Variants in IL1RAPL1 observed in about 807,000 individuals in gnomAD.
IL1RAPL1 encodes the protein interleukin 1 receptor accessory protein like 1, also known as interleukin-1 receptor accessory protein-like 1.
IL1RAPL1 carries 3 observed loss-of-function variants against 48.4 expected under a neutral mutation model. That is an observed-to-expected ratio of 0.06 (90% CI 0.03 to 0.16). The LOEUF (loss-of-function observed/expected upper bound fraction) is 0.16. Among genes scored for constraint, IL1RAPL1 ranks in the 10% least tolerant of loss-of-function variants. The pLI, the probability that IL1RAPL1 is intolerant of heterozygous loss-of-function variation, is 1.00. For synonymous variants in IL1RAPL1, 185 were observed against 187.7 expected, an observed-to-expected ratio of 0.99 and a Z score of 0.12; for missense variants, 349 against 530.6, an observed-to-expected ratio of 0.66 and a Z score of 3.36.
chrX:29,946,500 T>C, intron 9 of IL1RAPL1, among the ~76,000 whole-genome samples: 1 of 112,328 alleles, frequency 8.9e-6, no homozygotes, highest in South Asian at 3.7e-4. Context: ...GAGGAGAAGA[T>C]ACGCTATCCC....
chrX:29,907,614 G>A (rs749903960), intron 6 of IL1RAPL1, among the ~76,000 whole-genome samples: 1 of 111,673 alleles, frequency 9.0e-6, no homozygotes, highest in South Asian at 3.7e-4. Context: ...ACTGCCTGCG[G>A]GATAAACATG....
intron 8 of IL1RAPL1, among the ~76,000 whole-genome samples, chrX:29,937,889 A>G (rs184160025): frequency 1.1e-3 from 123 of 111,683 alleles, no homozygotes; most frequent in Non-Finnish European, 1.5e-3. Context: ...TGGTATTCCT[A>G]TTATTAGTAA....
chrX:29,655,923 G>A (rs1186286113), intron 5 of IL1RAPL1, among the ~76,000 whole-genome samples: 1 of 111,753 alleles, frequency 8.9e-6, no homozygotes, highest in Non-Finnish European at 1.9e-5. Flanking sequence ...CTATGCATAT[G>A]CTTACTTGTG....
chrX:28,806,157 A>G (rs1468715445), intron 2 of IL1RAPL1, among the ~76,000 whole-genome samples: 1 of 112,080 alleles, frequency 8.9e-6, no homozygotes, highest in Non-Finnish European at 1.9e-5. Context: ...CATGAAATGA[A>G]TAGTTTCATT....
rs140015539 is a variant in IL1RAPL1, at chrX:29,027,243, C to A, written c.82+237818C>A. 5.0e-3 allele frequency among the ~76,000 whole-genome samples: 561 copies of A among 112,357 alleles called. 3 individuals carry two copies. Among genetic ancestry groups the A allele is most frequent in the African/African-American group, 0.018 (542 of 30,957 alleles). ...GCAACCACAAACCTTTTTACTATGT[C>A]CATAAATGTTCCCTTTCTAGAATGT... On this transcript the variant is annotated intron_variant, in intron 2 of 10. Transcript: ENST00000378993.
chrX:29,227,952 G>A lies in IL1RAPL1; in HGVS notation c.83-54986G>A, dbSNP rs1931112543. On this transcript the variant is annotated intron_variant, in intron 2 of 10. Coordinates refer to ENST00000378993, the MANE Select transcript of IL1RAPL1 (RefSeq NM_014271.4). ...GTGCCAGAGTTTTGGTTTAAACCAG[G>A]TTGTCTGACTCCAAACTCTTCACTT... is the stretch of plus-strand genomic sequence containing the variant. Among the ~76,000 whole-genome samples the A allele has an allele frequency of 2.7e-5, 3 of 110,769 alleles. No individual in the cohort carries two copies. In the South Asian group the frequency reaches 1.2e-3, roughly 43 times the overall value.
intron 5 of IL1RAPL1, among the ~76,000 whole-genome samples, chrX:29,560,796 A>G (rs1243582791): frequency 9.0e-6 from 1 of 111,352 alleles, no homozygotes; most frequent in Non-Finnish European, 1.9e-5. Context: ...GTTAGTTTGT[A>G]CCTCACTGAG....
intron 2 of IL1RAPL1, among the ~76,000 whole-genome samples, chrX:29,024,853 G>T (rs1271672883): frequency 9.0e-6 from 1 of 111,227 alleles, no homozygotes; most frequent in Non-Finnish European, 1.9e-5. Flanking sequence ...ATAATTCAAA[G>T]GTTCTAATAT....
chrX:28,639,470 A>C (rs1934508177), intron 1 of IL1RAPL1, among the ~76,000 whole-genome samples: 2 of 111,675 alleles, frequency 1.8e-5, no homozygotes, highest in Admixed American at 1.9e-4. Context: ...CTCTATGCTA[A>C]TTTTCAAATC....
intron 2 of IL1RAPL1, among the ~76,000 whole-genome samples, chrX:28,956,268 A>G (rs1251232106): frequency 3.7e-5 from 4 of 107,587 alleles, no homozygotes; most frequent in African/African-American, 6.8e-5. Flanking sequence ...TCTCCTGCCT[A>G]ATTGCCCTGG....
chrX:29,378,268 A>C (rs1933649251), intron 3 of IL1RAPL1, among the ~76,000 whole-genome samples: 1 of 111,269 alleles, frequency 9.0e-6, no homozygotes, highest in Non-Finnish European at 1.9e-5. Flanking sequence ...CAGTTCTTGC[A>C]TGATTTTACT....
intron 3 of IL1RAPL1, among the ~76,000 whole-genome samples, chrX:29,295,506 T>C (rs1311930682): frequency 8.9e-6 from 1 of 112,117 alleles, no homozygotes; most frequent in Non-Finnish European, 1.9e-5. Flanking sequence ...TTATTACACA[T>C]ATATGATCAC....
intron 5 of IL1RAPL1, among the ~76,000 whole-genome samples, chrX:29,467,742 A>T (rs1376283605): frequency 8.9e-6 from 1 of 112,637 alleles, no homozygotes; most frequent in Non-Finnish European, 1.9e-5. Context: ...TAGAACTCTG[A>T]TGCCTTTATT....
rs756404696 is a variant in IL1RAPL1, at chrX:29,924,534, A to G, written c.1057+4440A>G. Among the ~76,000 whole-genome samples the G allele has an allele frequency of 4.9e-3, 555 of 112,339 alleles. 3 individuals are homozygous for G. The highest frequency in any genetic ancestry group is 8.9e-3 in the Non-Finnish European group (472 of 53,201). On this transcript the variant is annotated intron_variant, in intron 8 of 10. Coordinates refer to ENST00000378993, the MANE Select transcript of IL1RAPL1 (RefSeq NM_014271.4). ...GGAAATAAGGACTAATATAATTTGG[A>G]ATGCCATCCACTACTTTTTAAATTA...
At chrX:29,215,834 C>T (rs191324688) in intron 2 of IL1RAPL1, among the ~76,000 whole-genome samples, 240 of 111,254 alleles carry the variant, frequency 2.2e-3, no homozygotes, top group African/African-American at 7.6e-3. Flanking sequence ...ATCTTGGCTT[C>T]AGACTTTTTT....
At chrX:29,606,634 C>G (rs994615009) in intron 5 of IL1RAPL1, among the ~76,000 whole-genome samples, 1 of 112,181 alleles carries the variant, frequency 8.9e-6, no homozygotes, top group Non-Finnish European at 1.9e-5. Flanking sequence ...CTCCCAATTG[C>G]ACATACAGTC....
chrX:29,842,422 T>C (rs1260983608), intron 6 of IL1RAPL1, among the ~76,000 whole-genome samples: 1 of 111,950 alleles, frequency 8.9e-6, no homozygotes, highest in African/African-American at 3.2e-5. Context: ...GGCTCGGATG[T>C]GTGGAAAACC....
chrX:29,174,906 C>T (rs985001013), intron 2 of IL1RAPL1, among the ~76,000 whole-genome samples: 2 of 109,989 alleles, frequency 1.8e-5, no homozygotes, highest in African/African-American at 3.3e-5. Context: ...AACCCCGTCT[C>T]TACTAAAAAT....
rs976855498 is a variant in IL1RAPL1 at position 28,939,998 on chromosome X, T to C, written c.82+150573T>C. On this transcript the variant is annotated intron_variant, in intron 2 of 10. Coordinates refer to ENST00000378993, the MANE Select transcript of IL1RAPL1 (RefSeq NM_014271.4). ...TATGCCTATGTGCATTTTTACTTTGTCTTTCACTTCAAAGCAGGTGCAGCT... is the reference window on the plus strand; with the variant it reads ...TATGCCTATGTGCATTTTTACTTTGCCTTTCACTTCAAAGCAGGTGCAGCT... Among the ~76,000 whole-genome samples, 6 of 111,793 alleles carry C rather than the reference T, an allele frequency of 5.4e-5. No individual in the cohort carries two copies. In the East Asian group the frequency reaches 1.1e-3, roughly 21 times the overall value.
Sources: gnomAD v4.1 joint callset for allele counts (sites outside exome capture counted in the v4.1 genomes callset) on GRCh38, gnomAD v4.1.1 for gene constraint, MANE v1.5 for transcripts, NCBI Gene and HGNC (gene_info 2026-07-23, HGNC 2026-07-21) for gene names.